Variants in DNAH6 observed in about 807,000 individuals in gnomAD.
DNAH6 encodes the protein axonemal beta dynein heavy chain 6.
Under a neutral mutation model 491.4 loss-of-function variants are expected in DNAH6, and 340 were observed. The ratio of observed to expected loss-of-function variants is 0.69; its 90% confidence interval spans 0.63 to 0.76. The LOEUF is 0.76. Ranked by LOEUF, DNAH6 falls within the 30% of genes least tolerant of loss-of-function variation. DNAH6 has a pLI of 0.00. For missense variants in DNAH6, 4,443 were observed against 4,972.2 expected (o/e 0.89, Z 3.20); for synonymous variants, 1,603 against 1,686.1 (o/e 0.95, Z 1.21).
intron 45 of DNAH6, among the ~76,000 whole-genome samples, chr2:84,692,172 G>T (rs1694925751): frequency 6.6e-6 from 1 of 152,264 alleles, no homozygotes; most frequent in African/African-American, 2.4e-5. Context: ...ACAGTCTCTA[G>T]AAGTTGGTTA....
chr2:84,499,902 C>T, the DNAH6 span, among the ~76,000 whole-genome samples: 4 of 141,576 alleles, frequency 2.8e-5, no homozygotes, highest in Non-Finnish European at 6.1e-5. Flanking sequence ...TTTTTTTTTC[C>T]AATAGAGTTG....
intron 11 of DNAH6, among the ~76,000 whole-genome samples, chr2:84,570,919 A>T (rs779436976): frequency 1.2e-4 from 19 of 152,190 alleles, no homozygotes; most frequent in Non-Finnish European, 2.5e-4. Flanking sequence ...AGTCAGCAAG[A>T]CCACGAACCC....
intron 42 of DNAH6, among the ~76,000 whole-genome samples, chr2:84,681,924 C>T (rs1350161701): frequency 6.6e-6 from 1 of 152,168 alleles, no homozygotes; most frequent in Non-Finnish European, 1.5e-5. Flanking sequence ...ATAATTCCCA[C>T]TTCTCATCTT....
chr2:84,778,781 A>G (rs1431883893), intron 64 of DNAH6, among the ~76,000 whole-genome samples: 3 of 152,152 alleles, frequency 2.0e-5, no homozygotes, highest in Non-Finnish European at 4.4e-5. Flanking sequence ...CAGGCACTGC[A>G]CCCAGACACA....
chr2:84,624,565 C>G lies in DNAH6; in HGVS notation c.4298C>G (p.Thr1433Ser). 6.4e-7 allele frequency: 1 copy of G among 1,551,616 alleles called. No homozygotes were observed. Among genetic ancestry groups the G allele is most frequent in the Non-Finnish European group, 8.7e-7 (1 of 1,146,934 alleles). ...GCTAGAATGGCGCTCTCTCAGTACA[C>G]TTATGGCTATGAATATTTGGGTGCA... is the stretch of plus-strand genomic sequence containing the variant. ...CVARMALSQY[T>S]YGYEYLGACP... The change falls in exon 28 of 77, where the codon ACT (threonine) becomes AGT (serine). Residue 1433 changes from threonine (T) to serine (S), a missense_variant. Physicochemically the swap from Thr to Ser is moderately conservative, Grantham distance 58 (BLOSUM62 1). This residue lies in a region of DNAH6 where 2,977 missense variants were observed against 3,296.6 expected (regional missense o/e 0.90). Coordinates refer to ENST00000389394, the MANE Select transcript of DNAH6 (RefSeq NM_001370.2).
At chr2:84,634,138 A>C (rs1236347367) in intron 29 of DNAH6, among the ~76,000 whole-genome samples, 2 of 152,184 alleles carry the variant, frequency 1.3e-5, no homozygotes, top group Non-Finnish European at 2.9e-5. Context: ...AGACAATGAA[A>C]GCTTCCATTA....
chr2:84,484,951 A>G, the DNAH6 span, among the ~76,000 whole-genome samples: 1 of 152,222 alleles, frequency 6.6e-6, no homozygotes, highest in South Asian at 2.1e-4. Context: ...TATAATTCTG[A>G]GTTCTGAACC....
At chr2:84,584,476 C>G in intron 15 of DNAH6, 1 of 485,292 alleles carries the variant, frequency 2.1e-6, no homozygotes, top group Non-Finnish European at 3.6e-6. Context: ...ACTCTTCAAA[C>G]CATTTAGAGA....
At chr2:84,605,268 G>A (rs1685643006) in intron 19 of DNAH6, among the ~76,000 whole-genome samples, 1 of 151,250 alleles carries the variant, frequency 6.6e-6, no homozygotes, top group Admixed American at 6.6e-5. Flanking sequence ...CAGGAGAATG[G>A]CGTGAACCCA....
At chr2:84,629,455 A>G (rs1234342786) in intron 29 of DNAH6, among the ~76,000 whole-genome samples, 1 of 152,228 alleles carries the variant, frequency 6.6e-6, no homozygotes, top group East Asian at 1.9e-4. Flanking sequence ...GGAGTATGAA[A>G]TGGTATCCCA....
chr2:84,530,499 G>C (rs1000939928), intron 4 of DNAH6, among the ~76,000 whole-genome samples: 2 of 152,154 alleles, frequency 1.3e-5, no homozygotes, highest in African/African-American at 4.8e-5. Flanking sequence ...GTGAACAAGA[G>C]ATAAAGGATA....
chr2:84,736,468 A>G (rs13386100), intron 62 of DNAH6, among the ~76,000 whole-genome samples: 15,967 of 152,012 alleles, frequency 0.11, 872 homozygotes, highest in Non-Finnish European at 0.11. Flanking sequence ...GATTCTTCCA[A>G]CCCATAAGTG....
chr2:84,745,032 A>G, intron 62 of DNAH6, 48 bp from the exon 63 acceptor site: 2 of 1,245,240 alleles, frequency 1.6e-6, no homozygotes, highest in Non-Finnish European at 2.2e-6. Flanking sequence ...TTAATTTCAA[A>G]GCCAAAACAA....
intron 33 of DNAH6, among the ~76,000 whole-genome samples, chr2:84,651,885 C>T (rs1297446044): frequency 2.0e-5 from 3 of 151,878 alleles, no homozygotes; most frequent in East Asian, 1.9e-4. Flanking sequence ...TCTATTTTTA[C>T]AGCTGTTGCT....
intron 63 of DNAH6, among the ~76,000 whole-genome samples, chr2:84,746,047 G>A (rs529472194): frequency 6.6e-6 from 1 of 152,326 alleles, no homozygotes; most frequent in South Asian, 2.1e-4. Context: ...TGCCAAAGGG[G>A]ATAGTTGTGC....
the DNAH6 span, among the ~76,000 whole-genome samples, chr2:84,487,961 AT>A: frequency 6.6e-6 from 1 of 152,174 alleles, no homozygotes; most frequent in African/African-American, 2.4e-5. Flanking sequence ...ATATTTGTAC[AT>A]GTCAAAGCTG....
chr2:84,670,349 C>T lies in DNAH6; in HGVS notation c.6328C>T (p.Leu2110=). The change falls in exon 39 of 77, where the codon CTA becomes TTA. Residue 2110 remains leucine, a synonymous_variant. Coordinates refer to ENST00000389394, the MANE Select transcript of DNAH6 (RefSeq NM_001370.2). ...VGKSVIAKGL[L]NKIQESAGYV... The stretch of plus-strand genomic sequence containing the variant: ...TAAGTCTGTGATTGCAAAAGGATTG[C>T]TAAATAAAATTCAAGAATCAGCTGG... The T allele has an allele frequency of 6.5e-7, 1 of 1,532,802 alleles. No individual in the cohort carries two copies. Among genetic ancestry groups the T allele is most frequent in the African/African-American group, 1.4e-5 (1 of 72,304 alleles). The allele number at this position is 1,532,802 out of a possible 1,614,324, so 95.0% of individuals were successfully genotyped here.
intron 68 of DNAH6, 75 bp downstream of exon 68, chr2:84,787,377 C>T: frequency 2.5e-6 from 3 of 1,185,176 alleles, no homozygotes; most frequent in Non-Finnish European, 2.4e-6. Flanking sequence ...CTGGCCCTTA[C>T]AAAGATGGTG....
intron 29 of DNAH6, among the ~76,000 whole-genome samples, chr2:84,633,911 G>A (rs1353115235): frequency 6.6e-6 from 1 of 152,116 alleles, no homozygotes; most frequent in African/African-American, 2.4e-5. Context: ...TATTACTAAA[G>A]AGATAGATAT....
Sources: allele counts gnomAD v4.1 joint callset (sites outside exome capture counted in the v4.1 genomes callset), GRCh38; gene constraint gnomAD v4.1.1; regional missense constraint gnomAD v4.1.1; transcripts MANE v1.5; gene names NCBI Gene and HGNC (gene_info 2026-07-23, HGNC 2026-07-21).